PPARGC1A: variants seen among roughly 807,000 people sequenced by gnomAD.
PPARGC1A encodes the protein PPARG coactivator 1 alpha.
Under a neutral mutation model 88.7 loss-of-function variants are expected in PPARGC1A, and 25 were observed. That is an observed-to-expected ratio of 0.28 (90% CI 0.21 to 0.39). The LOEUF is 0.39. Ranked by LOEUF, PPARGC1A falls within the 10% of genes least tolerant of loss-of-function variation. The pLI is 1.00. For synonymous variants in PPARGC1A, 363 were observed against 355.6 expected, an observed-to-expected ratio of 1.02 and a Z score of -0.24; for missense variants, 880 against 968.7, an observed-to-expected ratio of 0.91 and a Z score of 1.22.
At chr4:24,441,572 C>T in the PPARGC1A span, among the ~76,000 whole-genome samples, 2 of 152,164 alleles carry the variant, frequency 1.3e-5, no homozygotes, top group South Asian at 2.1e-4. Flanking sequence ...GACAGCCACC[C>T]TGAATGTCCT....
chr4:24,320,022 G>T, the PPARGC1A span, among the ~76,000 whole-genome samples: 1 of 152,080 alleles, frequency 6.6e-6, no homozygotes, highest in Non-Finnish European at 1.5e-5. Context: ...AGAAAATACC[G>T]ACATCAGACA....
the PPARGC1A span, among the ~76,000 whole-genome samples, chr4:24,288,778 T>C: frequency 2.0e-5 from 3 of 152,232 alleles, no homozygotes; most frequent in Non-Finnish European, 4.4e-5. Flanking sequence ...TAAACGGCAG[T>C]AGACATCAAC....
chr4:23,815,243 C>A (rs1485106349), intron 7 of PPARGC1A, among the ~76,000 whole-genome samples: 1 of 152,046 alleles, frequency 6.6e-6, no homozygotes, highest in Non-Finnish European at 1.5e-5. Context: ...CCTAGAGCAA[C>A]TCTACAACTT....
At chr4:23,807,735 T>G (rs542674182) in intron 10 of PPARGC1A, among the ~76,000 whole-genome samples, 2 of 150,146 alleles carry the variant, frequency 1.3e-5, no homozygotes, top group Admixed American at 6.6e-5. Context: ...TTTTTTTCTT[T>G]TGTGTGTGTG....
chr4:24,326,863 C>T, the PPARGC1A span, among the ~76,000 whole-genome samples: 25 of 152,084 alleles, frequency 1.6e-4, no homozygotes, highest in African/African-American at 5.8e-4. Context: ...CAGCGGCTGC[C>T]GCTGCTTTAA....
the PPARGC1A span, among the ~76,000 whole-genome samples, chr4:24,413,612 G>T: frequency 9.9e-4 from 151 of 152,192 alleles, no homozygotes; most frequent in South Asian, 1.5e-3. Flanking sequence ...AGATCCTTGT[G>T]GGGGGGTAGG....
the PPARGC1A span, among the ~76,000 whole-genome samples, chr4:24,097,636 A>G: frequency 6.6e-6 from 1 of 152,192 alleles, no homozygotes; most frequent in South Asian, 2.1e-4. Flanking sequence ...GGAGGTGGCT[A>G]TATATTAACT....
At chr4:23,867,161 C>T (rs1577576084) in intron 2 of PPARGC1A, among the ~76,000 whole-genome samples, 1 of 152,164 alleles carries the variant, frequency 6.6e-6, no homozygotes, top group Non-Finnish European at 1.5e-5. Context: ...TTTTCACGGA[C>T]ATTTTTACTC....
At chr4:23,843,668 G>A (rs1014558632) in intron 2 of PPARGC1A, among the ~76,000 whole-genome samples, 6 of 152,030 alleles carry the variant, frequency 3.9e-5, no homozygotes, top group Admixed American at 3.9e-4. Flanking sequence ...TGTAGAAATT[G>A]TAAGGATGGT....
At chr4:23,810,158 C>A (rs1720628838) in intron 10 of PPARGC1A, among the ~76,000 whole-genome samples, 1 of 152,168 alleles carries the variant, frequency 6.6e-6, no homozygotes, top group South Asian at 2.1e-4. Context: ...AACAGTAAGT[C>A]CCAAATCTTT....
the PPARGC1A span, among the ~76,000 whole-genome samples, chr4:24,051,966 C>A: frequency 6.7e-6 from 1 of 149,688 alleles, no homozygotes; most frequent in Admixed American, 6.6e-5. Context: ...AAAGTAAGGG[C>A]CTCAAAATCA....
chr4:23,868,354 C>G (rs2148750996), intron 2 of PPARGC1A, among the ~76,000 whole-genome samples: 1 of 152,252 alleles, frequency 6.6e-6, no homozygotes, highest in Admixed American at 6.5e-5. Context: ...TAAACCATCT[C>G]TTGGAGAACA....
At chr4:24,202,990 G>T in the PPARGC1A span, among the ~76,000 whole-genome samples, 7 of 152,122 alleles carry the variant, frequency 4.6e-5, no homozygotes, top group African/African-American at 1.7e-4. Flanking sequence ...TCTGCCACTC[G>T]CCAGAAAGAG....
chr4:24,088,677 AT>A, the PPARGC1A span, among the ~76,000 whole-genome samples: 4 of 152,218 alleles, frequency 2.6e-5, no homozygotes, highest in African/African-American at 9.6e-5. Flanking sequence ...AAAATAAACT[AT>A]TAAAAAACAT....
the PPARGC1A span, among the ~76,000 whole-genome samples, chr4:24,097,786 G>C: frequency 6.6e-6 from 1 of 152,152 alleles, no homozygotes; most frequent in South Asian, 2.1e-4. Flanking sequence ...TGCTGCCCTG[G>C]AACAGTGATG....
chr4:24,016,982 G>C, the PPARGC1A span, among the ~76,000 whole-genome samples: 1 of 152,110 alleles, frequency 6.6e-6, no homozygotes, highest in African/African-American at 2.4e-5. Flanking sequence ...GAAATTGTAG[G>C]AACAGGAAGG....
chr4:24,012,734 C>CT, the PPARGC1A span, among the ~76,000 whole-genome samples: 1 of 152,076 alleles, frequency 6.6e-6, no homozygotes. Flanking sequence ...AGACTAATTA[C>CT]TAATAAAAGA....
the PPARGC1A span, among the ~76,000 whole-genome samples, chr4:24,444,454 T>TA: frequency 8.7e-5 from 13 of 150,060 alleles, no homozygotes; most frequent in East Asian, 2.0e-4. Flanking sequence ...TTTAAAAATT[T>TA]AAAAAAAAAA....
chr4:24,340,824 T>C, the PPARGC1A span, among the ~76,000 whole-genome samples: 1 of 152,150 alleles, frequency 6.6e-6, no homozygotes, highest in Non-Finnish European at 1.5e-5. Context: ...GCTGTATACA[T>C]TTAAACCCGC....
Sources: allele counts gnomAD v4.1 joint callset (sites outside exome capture counted in the v4.1 genomes callset), GRCh38; gene constraint gnomAD v4.1.1; transcripts MANE v1.5; gene names NCBI Gene and HGNC (gene_info 2026-07-23, HGNC 2026-07-21).